Variants in PPP2R2B observed in about 807,000 individuals in gnomAD.
The protein encoded by PPP2R2B is protein phosphatase 2 regulatory subunit Bbeta.
Under a neutral mutation model 46.0 loss-of-function variants are expected in PPP2R2B, and 5 were observed. The ratio of observed to expected loss-of-function variants is 0.11; its 90% CI spans 0.06 to 0.23. The LOEUF is 0.23. Ranked by LOEUF, PPP2R2B falls within the 10% of genes least tolerant of loss-of-function variation. The probability of loss-of-function intolerance (pLI) is 1.00; values close to 1 mark genes in which losing one functional copy is unlikely to be tolerated. For synonymous variants in PPP2R2B, 215 were observed against 206.7 expected, an observed-to-expected ratio of 1.04 and a Z score of -0.34; for missense variants, 367 against 575.0, an observed-to-expected ratio of 0.64 and a Z score of 3.70.
At chr5:146,694,263 C>T (rs1335726269) in intron 4 of PPP2R2B, among the ~76,000 whole-genome samples, 1 of 152,286 alleles carries the variant, frequency 6.6e-6, no homozygotes, top group Admixed American at 6.5e-5. Flanking sequence ...TGTGCCGTCA[C>T]CCTGGCTTGC....
At chr5:146,899,325 G>A (rs1297558268) in intron 1 of PPP2R2B, among the ~76,000 whole-genome samples, 3 of 148,318 alleles carry the variant, frequency 2.0e-5, no homozygotes, top group Non-Finnish European at 4.4e-5. Context: ...TCCTTTGTAG[G>A]GATGTGGATG....
intron 1 of PPP2R2B, among the ~76,000 whole-genome samples, chr5:146,924,312 C>T (rs987189783): frequency 2.0e-4 from 31 of 152,202 alleles, no homozygotes; most frequent in African/African-American, 7.5e-4. Context: ...ACAACTGCAA[C>T]TGAAAAGCAC....
Position 146,691,232 on chromosome 5 carries a change from C to G in PPP2R2B, c.343G>C (p.Val115Leu). 1 of 1,613,944 alleles carries G rather than the reference C, an allele frequency of 6.2e-7. No individual in the cohort carries two copies. The change falls in exon 5 of 10, where the codon GTG becomes CTG. Residue 115 changes from valine to leucine, a missense_variant. Val to Leu is a conservative substitution (Grantham distance 32). This residue lies in a region of PPP2R2B where 361 missense variants were observed against 545.5 expected (regional missense o/e 0.66). Transcript: ENST00000394411. ...YFLLSTNDKT[V>L]KLWKVSERDK... is the part of the protein sequence containing the mutation. ...CGCTCGCTGACTTTCCACAGCTTCACAGTTTTATCTGTAGTGGGCAACCAG... is the reference window on the plus strand; with the variant it reads ...CGCTCGCTGACTTTCCACAGCTTCAGAGTTTTATCTGTAGTGGGCAACCAG...
chr5:146,636,000 T>C (rs1207219400), intron 7 of PPP2R2B, among the ~76,000 whole-genome samples: 1 of 152,220 alleles, frequency 6.6e-6, no homozygotes, highest in Non-Finnish European at 1.5e-5. Context: ...AAGAAAATGT[T>C]CATTTTCCCC....
upstream of PPP2R2B, chr5:146,878,906 G>T (rs916729904): frequency 3.8e-5 from 44 of 1,148,644 alleles, 1 homozygote; most frequent in Non-Finnish European, 7.7e-6. The surrounding 1 kb of genome is among the most constrained non-coding windows in gnomAD (Gnocchi z 4.5). Flanking sequence ...GCCGCGAATC[G>T]GCACCTGGGC....
In PPP2R2B at chr5:147,030,178, G is replaced by T. The variant is rs58613574; in HGVS notation, c.79+25487C>A. 2.4e-3 allele frequency among the ~76,000 whole-genome samples: 359 copies of T among 152,158 alleles called. 2 individuals carry two copies. The highest frequency in any genetic ancestry group is 8.3e-3 in the African/African-American group (344 of 41,520). ...GTCTTCCTTACTTTCTGCTAATAAA[G>T]TTTTTTGGTATTGATGTTTTGACCC... On this transcript the variant is annotated intron_variant, in intron 1 of 8. Coordinates refer to the PPP2R2B transcript ENST00000336640.
At chr5:147,054,485 A>G in intron 1 of PPP2R2B, 1 of 35,740 alleles carries the variant, frequency 2.8e-5, no homozygotes. Flanking sequence ...GTCCAACTGT[A>G]AAAAAAAAGT....
intron 2 of PPP2R2B, among the ~76,000 whole-genome samples, chr5:146,794,675 A>G (rs951579250): frequency 2.6e-5 from 4 of 152,190 alleles, no homozygotes; most frequent in Non-Finnish European, 5.9e-5. Context: ...AATCAAAGGT[A>G]ACTGCACAAA....
chr5:147,064,256 G>C (rs1416742077), intron 2 of PPP2R2B, among the ~76,000 whole-genome samples: 2 of 152,110 alleles, frequency 1.3e-5, no homozygotes, highest in African/African-American at 4.8e-5. Flanking sequence ...TTTATGGCAG[G>C]GTTTCTCAAC....
At chr5:146,747,302 C>T (rs1009353455) in intron 2 of PPP2R2B, among the ~76,000 whole-genome samples, 3 of 152,118 alleles carry the variant, frequency 2.0e-5, no homozygotes, top group Admixed American at 2.0e-4. Flanking sequence ...CTGGAAAGAT[C>T]CCAGTAGAGC....
At chr5:146,809,001 G>T (rs944294841) in intron 2 of PPP2R2B, among the ~76,000 whole-genome samples, 13 of 151,414 alleles carry the variant, frequency 8.6e-5, no homozygotes, top group Admixed American at 3.9e-4. Context: ...GTGTGCGCGC[G>T]CACCCACTTC....
chr5:147,002,546 C>T (rs1026896770), intron 1 of PPP2R2B, among the ~76,000 whole-genome samples: 1 of 149,372 alleles, frequency 6.7e-6, no homozygotes, highest in Non-Finnish European at 1.5e-5. Flanking sequence ...GTAAGGGCCA[C>T]TAAATCCGAT....
intron 2 of PPP2R2B, among the ~76,000 whole-genome samples, chr5:146,824,850 T>C (rs768361443): frequency 3.0e-4 from 46 of 151,898 alleles, no homozygotes; most frequent in Admixed American, 1.3e-3. Context: ...CCTGAGTAGC[T>C]GGGATTACAG....
chr5:146,650,763 A>G (rs746506895), intron 5 of PPP2R2B, 39 bp from the exon 6 acceptor site: 1 of 1,579,894 alleles, frequency 6.3e-7, no homozygotes, highest in East Asian at 2.3e-5. Flanking sequence ...AGAACCAAAG[A>G]TCTTCCATAG....
chr5:146,967,760 C>T (rs1392261643), intron 1 of PPP2R2B, among the ~76,000 whole-genome samples: 2 of 152,140 alleles, frequency 1.3e-5, no homozygotes, highest in African/African-American at 4.8e-5. Flanking sequence ...AGCCCTCCTC[C>T]CTCCCGGTTT....
intron 1 of PPP2R2B, chr5:147,055,619 C>G: frequency 6.5e-7 from 1 of 1,531,032 alleles, no homozygotes; most frequent in Non-Finnish European, 9.0e-7. Context: ...CAGACACCAG[C>G]CCACTTTTCC....
rs1761782589 is a variant in PPP2R2B, at chr5:146,874,406, C to T, written c.70+3596G>A. Reference sequence around the variant, plus strand: ...ACAAGACAGTTTTTTAAAAAGGCTTCTGAGGGAAGGTGGAACCCACTTGTT... The same window carrying T: ...ACAAGACAGTTTTTTAAAAAGGCTTTTGAGGGAAGGTGGAACCCACTTGTT... On this transcript the variant is annotated intron_variant, in intron 2 of 9. Transcript: ENST00000394411. Among the ~76,000 whole-genome samples the T allele has an allele frequency of 2.0e-5, 3 of 152,192 alleles. No individual in the cohort carries two copies. In the South Asian group the frequency reaches 6.2e-4, roughly 32 times the overall value.
At chr5:146,957,375 C>A (rs1357921895) in intron 1 of PPP2R2B, among the ~76,000 whole-genome samples, 2 of 152,144 alleles carry the variant, frequency 1.3e-5, no homozygotes, top group East Asian at 3.9e-4. Context: ...CAAATGACTG[C>A]CATCCGATAT....
rs1326559318 is a variant in PPP2R2B, at chr5:146,615,254, A to C, written c.791-14794T>G. 1.2e-3 allele frequency among the ~76,000 whole-genome samples: 96 copies of C among 77,940 alleles called. 1 individual carries two copies. Among genetic ancestry groups the C allele is most frequent in the Non-Finnish European group, 1.8e-3 (76 of 42,114 alleles). 51.1% of individuals were successfully genotyped at this position (77,940 alleles called of 152,430 possible). On this transcript the variant is annotated intron_variant, in intron 7 of 9. Transcript: ENST00000394411. ...ATTCTCAGTAAACTATCGCAAGAAC[A>C]AAAAACCAAACACCGCATATTCTCA...
Sources: gnomAD v4.1 joint callset for allele counts (sites outside exome capture counted in the v4.1 genomes callset) on GRCh38, gnomAD v4.1.1 for gene constraint, gnomAD v4.1.1 regional missense constraint, Gnocchi (gnomAD v3.1) non-coding constraint, MANE v1.5 for transcripts, NCBI Gene and HGNC (gene_info 2026-07-23, HGNC 2026-07-21) for gene names.